KLF12: variants seen among roughly 807,000 people sequenced by gnomAD.
The protein encoded by KLF12 is Krueppel-like factor 12.
In KLF12, 9 loss-of-function variants were observed where a neutral mutation model predicts 37.8. That is an observed-to-expected ratio of 0.24 (90% CI 0.14 to 0.42). The LOEUF is 0.42. KLF12 is among the 10% of genes least tolerant of loss of function. The pLI, the probability that KLF12 is intolerant of heterozygous loss-of-function variation, is 1.00. For missense variants in KLF12, 411 were observed against 516.0 expected (o/e 0.80, Z 1.97); for synonymous variants, 208 against 202.1 (o/e 1.03, Z -0.25).
intron 1 of KLF12, among the ~76,000 whole-genome samples, chr13:74,058,802 T>C (rs1425436788): frequency 1.3e-5 from 2 of 152,126 alleles, no homozygotes; most frequent in Admixed American, 6.5e-5. Context: ...TTTCTACTTA[T>C]TTGATTTGAT....
At chr13:74,115,662 G>C (rs551154621) in intron 1 of KLF12, among the ~76,000 whole-genome samples, 9 of 149,372 alleles carry the variant, frequency 6.0e-5, no homozygotes, top group Non-Finnish European at 1.3e-4. Flanking sequence ...TCAAGATCAT[G>C]CCACTGTACT....
At chr13:73,847,150 A>G (rs1885074392) in intron 3 of KLF12, among the ~76,000 whole-genome samples, 2 of 152,168 alleles carry the variant, frequency 1.3e-5, no homozygotes, top group East Asian at 1.9e-4. Flanking sequence ...AATTTTACTC[A>G]TATATCTATT....
At chr13:74,236,148 T>A in the KLF12 span, among the ~76,000 whole-genome samples, 1 of 146,302 alleles carries the variant, frequency 6.8e-6, no homozygotes, top group Non-Finnish European at 1.5e-5. Context: ...CCTGTGTCCA[T>A]GTGTTCTCAT....
chr13:74,233,765 T>C, the KLF12 span, among the ~76,000 whole-genome samples: 2 of 152,212 alleles, frequency 1.3e-5, no homozygotes, highest in South Asian at 4.1e-4. Context: ...CTTCAGATCA[T>C]CATATGATAA....
chr13:74,126,269 T>C (rs1391404744), intron 1 of KLF12, among the ~76,000 whole-genome samples: 1 of 152,214 alleles, frequency 6.6e-6, no homozygotes, highest in Non-Finnish European at 1.5e-5. Context: ...TGGAATCTAA[T>C]AATTGTATGA....
chr13:73,767,495 G>T (rs1031641343), intron 5 of KLF12, among the ~76,000 whole-genome samples: 1 of 152,216 alleles, frequency 6.6e-6, no homozygotes, highest in Non-Finnish European at 1.5e-5. Context: ...ACACCACGCT[G>T]AACAAAAGGG....
intron 2 of KLF12, among the ~76,000 whole-genome samples, chr13:73,984,293 G>A (rs1891765699): frequency 6.6e-6 from 1 of 152,206 alleles, no homozygotes; most frequent in Admixed American, 6.5e-5. Context: ...CCTGCCGCAT[G>A]CATCTCACAC....
At chr13:73,806,143 A>G (rs61607418) in intron 5 of KLF12, among the ~76,000 whole-genome samples, 79,920 of 143,054 alleles carry the variant, frequency 0.56, 22,191 homozygotes, top group South Asian at 0.63. Context: ...ATAAAGTCTC[A>G]CTCTTGTTGC....
chr13:74,243,854 C>A, the KLF12 span, among the ~76,000 whole-genome samples: 2 of 152,130 alleles, frequency 1.3e-5, no homozygotes, highest in Non-Finnish European at 2.9e-5. Context: ...GCAATGGGAA[C>A]AGAGTGTATA....
the KLF12 span, among the ~76,000 whole-genome samples, chr13:74,149,225 G>A: frequency 3.9e-5 from 6 of 152,116 alleles, no homozygotes; most frequent in African/African-American, 1.4e-4. Flanking sequence ...GCATCTTAAA[G>A]TTGCACTTAA....
intron 1 of KLF12, among the ~76,000 whole-genome samples, chr13:74,015,948 T>C (rs1892678352): frequency 6.6e-6 from 1 of 152,122 alleles, no homozygotes; most frequent in African/African-American, 2.4e-5. Context: ...GGTAAAGGCA[T>C]TAGAGATATG....
intron 3 of KLF12, among the ~76,000 whole-genome samples, chr13:73,893,342 T>C (rs1027146961): frequency 2.0e-5 from 3 of 151,614 alleles, no homozygotes; most frequent in African/African-American, 7.3e-5. Flanking sequence ...CTCATTGTTT[T>C]AGAATGCACT....
chr13:73,736,682 C>T (rs1392449650), intron 6 of KLF12, among the ~76,000 whole-genome samples: 1 of 152,094 alleles, frequency 6.6e-6, no homozygotes. Context: ...AAATAACAAC[C>T]CAGAGTTTGG....
chr13:73,706,205 A>T (rs543462098), intron 7 of KLF12, among the ~76,000 whole-genome samples: 1 of 152,264 alleles, frequency 6.6e-6, no homozygotes, highest in South Asian at 2.1e-4. Flanking sequence ...TTAACTTTGC[A>T]CTGTCATTGA....
intron 3 of KLF12, among the ~76,000 whole-genome samples, chr13:73,936,469 C>T (rs907581999): frequency 1.3e-5 from 2 of 152,078 alleles, no homozygotes; most frequent in East Asian, 1.9e-4. Flanking sequence ...GCTGTATGGC[C>T]GACCTTTCCT....
At chr13:74,047,600 TA>T (rs10594023) in intron 1 of KLF12, among the ~76,000 whole-genome samples, 19,368 of 145,992 alleles carry the variant, frequency 0.13, 1,286 homozygotes, top group African/African-American at 0.15. Flanking sequence ...CCATCTCAAA[TA>T]AAAAAAAAAA....
Position 73,813,239 on chromosome 13 carries a change from C to T in KLF12, c.719G>A (p.Ser240Asn), listed in dbSNP as rs1883037266. 2 of 1,614,070 alleles carry T rather than the reference C, an allele frequency of 1.2e-6. No individual in the cohort carries two copies. Among genetic ancestry groups the T allele is most frequent in the Non-Finnish European group, 1.7e-6 (2 of 1,179,962 alleles). The change falls in exon 5 of 8, where the codon AGT (serine) becomes AAT (asparagine). Residue 240 changes from serine (S) to asparagine (N), a missense_variant. Around this residue, in one of 2 missense-constraint regions of KLF12, gnomAD observed 351 missense variants for 397.8 expected, o/e 0.88. Coordinates refer to ENST00000377669, the MANE Select transcript of KLF12 (RefSeq NM_007249.5). Reference sequence around the variant, plus strand: ...CACATTTGGCAGGTCATCATCATCACTGTCACTTTTACTTTGTCTGGGAGA... The same window carrying T: ...CACATTTGGCAGGTCATCATCATCATTGTCACTTTTACTTTGTCTGGGAGA...
chr13:73,946,247 G>A (rs1890417376), intron 2 of KLF12, among the ~76,000 whole-genome samples: 1 of 152,142 alleles, frequency 6.6e-6, no homozygotes, highest in Non-Finnish European at 1.5e-5. Flanking sequence ...GAGGAGAAAA[G>A]ACAAAGAGCG....
chr13:73,946,953 T>C (rs1890452421), intron 2 of KLF12, among the ~76,000 whole-genome samples: 2 of 152,336 alleles, frequency 1.3e-5, no homozygotes, highest in South Asian at 2.1e-4. Context: ...AAAATATTGA[T>C]AGATGTATCT....
Sources: gnomAD v4.1 joint callset for allele counts (sites outside exome capture counted in the v4.1 genomes callset) on GRCh38, gnomAD v4.1.1 for gene constraint, gnomAD v4.1.1 regional missense constraint, MANE v1.5 for transcripts, NCBI Gene and HGNC (gene_info 2026-07-23, HGNC 2026-07-21) for gene names.